NUP54: variants seen among roughly 807,000 people sequenced by gnomAD.
NUP54 encodes the protein nucleoporin 54, also known as nucleoporin p54.
Under a neutral mutation model 66.4 loss-of-function variants are expected in NUP54, and 27 were observed. The ratio of observed to expected loss-of-function variants is 0.41; its 90% CI spans 0.30 to 0.56. NUP54 has a LOEUF of 0.56. Ranked by LOEUF, NUP54 falls within the 20% of genes least tolerant of loss-of-function variation. The pLI, the probability that NUP54 is intolerant of heterozygous loss-of-function variation, is 0.34. For synonymous variants in NUP54, 206 were observed against 210.7 expected, an observed-to-expected ratio of 0.98 and a Z score of 0.19; for missense variants, 486 against 596.3, an observed-to-expected ratio of 0.82 and a Z score of 1.93.
intron 9 of NUP54, 28 bp downstream of exon 9, chr4:76,124,621 C>T: frequency 1.0e-6 from 1 of 994,088 alleles, no homozygotes; most frequent in Non-Finnish European, 1.6e-6. Flanking sequence ...GTCTTATAAA[C>T]ACTGGGGGGG....
intron 1 of NUP54, among the ~76,000 whole-genome samples, chr4:76,147,260 T>C (rs1019023497): frequency 6.6e-6 from 1 of 152,218 alleles, no homozygotes; most frequent in Non-Finnish European, 1.5e-5. Flanking sequence ...GGAAGATAAG[T>C]GCACATTTAA....
intron 9 of NUP54, among the ~76,000 whole-genome samples, chr4:76,122,136 T>C (rs1483984700): frequency 3.3e-5 from 5 of 152,258 alleles, no homozygotes; most frequent in Non-Finnish European, 7.3e-5. Flanking sequence ...ATAAGTCATG[T>C]TGATAGATGT....
In NUP54 at chr4:76,136,372, G is replaced by A; in HGVS notation, c.336C>T (p.Thr112=). 6.2e-7 allele frequency: 1 copy of A among 1,614,016 alleles called. No individual in the cohort carries two copies. Among genetic ancestry groups the A allele is most frequent in the Non-Finnish European group, 8.5e-7 (1 of 1,179,954 alleles). The part of the protein sequence containing the change: ...GLFSQPTQAP[T]QSNQLINTAS... ...CAGTATTTATCAGCTGGTTGGACTG[G>A]GTAGGAGCTTGTGTAGGCTGACTGA... The change falls in exon 4 of 12, where the codon ACC becomes ACT. Residue 112 remains threonine, a synonymous_variant. Coordinates refer to ENST00000264883, the MANE Select transcript of NUP54 (RefSeq NM_017426.4).
At chr4:76,116,130 T>A (rs1729941323) in intron 11 of NUP54, among the ~76,000 whole-genome samples, 1 of 152,168 alleles carries the variant, frequency 6.6e-6, no homozygotes. Context: ...CTCATAATTT[T>A]AAAAAAGACA....
Position 76,136,044 on chromosome 4 carries a change from T to A in NUP54, c.522+142A>T, listed in dbSNP as rs1311363497. 3 of 640,852 alleles carry A rather than the reference T, an allele frequency of 4.7e-6. No homozygotes were observed. In the Admixed American group the frequency reaches 9.2e-5, roughly 20 times the overall value. 39.7% of individuals were successfully genotyped at this position (640,852 alleles called of 1,614,324 possible). On this transcript the variant is annotated intron_variant, in intron 4 of 11. Coordinates refer to ENST00000264883, the MANE Select transcript of NUP54 (RefSeq NM_017426.4). ...GTATGAAATCACTTCAATTTTATAA[T>A]TTCTATATTTTCAAAATAAAAGTAT...
rs1729891211 is a variant in NUP54 at position 76,115,125 on chromosome 4, T to C, written c.*241A>G. ...ATAGTACATACAATTTTGGTAATTA[T>C]GCACTTCTTTTAAAGTAAATACAGC... On this transcript the variant is annotated 3_prime_UTR_variant, in exon 12 of 12. Transcript: ENST00000264883. 2.9e-6 allele frequency: 1 copy of C among 343,490 alleles called. No individual in the cohort carries two copies. The highest frequency in any genetic ancestry group is 5.2e-5 in the East Asian group (1 of 19,164). 21.3% of individuals were successfully genotyped at this position (343,490 alleles called of 1,614,324 possible). A position where few individuals can be genotyped will look rare whatever the true frequency, so the allele number is the denominator to read the frequency against.
intron 10 of NUP54, 88 bp downstream of exon 10, chr4:76,117,987 A>G (rs1730029604): frequency 1.5e-6 from 2 of 1,362,754 alleles, no homozygotes; most frequent in Non-Finnish European, 1.0e-6. Flanking sequence ...ACACAAGTAT[A>G]CAAAATTCCT....
chr4:76,131,951 T>C (rs1730821160), intron 6 of NUP54, among the ~76,000 whole-genome samples: 1 of 152,150 alleles, frequency 6.6e-6, no homozygotes, highest in African/African-American at 2.4e-5. Flanking sequence ...TTTATCTTCA[T>C]GTATTGACAT....
rs781318954 is a variant in NUP54 at position 76,118,163 on chromosome 4, C to T, written c.1196G>A (p.Ser399Asn). The T allele has an allele frequency of 2.5e-6, 4 of 1,613,672 alleles. No individual in the cohort carries two copies. In the Admixed American group the frequency reaches 5.0e-5, roughly 20 times the overall value. The change falls in exon 10 of 12, where the codon AGT (serine) becomes AAT (asparagine). Residue 399 changes from serine to asparagine, a missense_variant. This residue lies in a region of NUP54 where 217 missense variants were observed against 247.9 expected (regional missense o/e 0.88). Coordinates refer to ENST00000264883, the MANE Select transcript of NUP54 (RefSeq NM_017426.4). ...TTCATCAGCCTGAATGGCATAACCA[C>T]TCTTCCTTTGAATTTCCTGTTTGAT... ...VLIKQEIQRK[S>N]GYAIQADEEQ...
At chr4:76,136,164 A>AT (rs1481369684) in intron 4 of NUP54, 22 bp downstream of exon 4, 7 of 1,525,852 alleles carry the variant, frequency 4.6e-6, no homozygotes, top group Non-Finnish European at 6.3e-6. Context: ...TCAACTGAAG[A>AT]TAAAAATAGT....
intron 9 of NUP54, among the ~76,000 whole-genome samples, chr4:76,118,961 G>A (rs763264675): frequency 1.6e-4 from 24 of 151,882 alleles, no homozygotes; most frequent in Non-Finnish European, 2.6e-4. Context: ...AGCCTAGATC[G>A]CGCCACTGCA....
At chr4:76,117,202 G>A (rs911749611) in intron 11 of NUP54, among the ~76,000 whole-genome samples, 12 of 152,076 alleles carry the variant, frequency 7.9e-5, no homozygotes, top group African/African-American at 2.7e-4. Context: ...CTTATTTCAT[G>A]AAGCATAACT....
intron 9 of NUP54, chr4:76,118,408 CAG>C (rs1199281224): frequency 2.0e-6 from 1 of 495,160 alleles, no homozygotes; most frequent in Non-Finnish European, 3.7e-6. Flanking sequence ...TTTTTTGAGA[CAG>C]GGTCTTGCTC....
chr4:76,125,355 T>A (rs1159631904), intron 8 of NUP54, among the ~76,000 whole-genome samples: 4 of 131,794 alleles, frequency 3.0e-5, no homozygotes, highest in African/African-American at 1.1e-4. Context: ...CACACACGGC[T>A]GGGCACAGTG....
rs1220337936 is a variant in NUP54, at chr4:76,147,722, G to A, written c.67+586C>T. 5 of 1,078,698 alleles carry A rather than the reference G, an allele frequency of 4.6e-6. No homozygotes were observed. The African/African-American group carries it at 6.6e-5, about 14-fold the overall frequency. The allele number at this position is 1,078,698 out of a possible 1,614,324, so 66.8% of individuals were successfully genotyped here. On this transcript the variant is annotated intron_variant, in intron 1 of 11. Coordinates refer to ENST00000264883, the MANE Select transcript of NUP54 (RefSeq NM_017426.4). The stretch of plus-strand genomic sequence containing the variant: ...AAAGAAAGCAAGATAAGGATTAGAA[G>A]AATCAGCAGGAGGTTTCACAGAAGT...
At chr4:76,118,991 G>A (rs954168929) in intron 9 of NUP54, among the ~76,000 whole-genome samples, 1 of 152,036 alleles carries the variant, frequency 6.6e-6, no homozygotes, top group Admixed American at 6.5e-5. Flanking sequence ...GGGCAACAGA[G>A]CGAGACTCTG....
At chr4:76,144,574 A>C (rs986660033) in intron 1 of NUP54, 101 bp from the exon 2 acceptor site, 1 of 860,322 alleles carries the variant, frequency 1.2e-6, no homozygotes, top group Non-Finnish European at 1.7e-6. Flanking sequence ...TAAAATCAAA[A>C]TATATTGATC....
At chr4:76,119,520 C>T (rs1730130726) in intron 9 of NUP54, among the ~76,000 whole-genome samples, 1 of 149,946 alleles carries the variant, frequency 6.7e-6, no homozygotes, top group African/African-American at 2.5e-5. Context: ...GTGCTCACCA[C>T]CATGCCTGGC....
chr4:76,129,209 G>A (rs56235958), intron 8 of NUP54, among the ~76,000 whole-genome samples: 1 of 148,576 alleles, frequency 6.7e-6, no homozygotes, highest in Non-Finnish European at 1.5e-5. Flanking sequence ...GTTATGTATC[G>A]ATTAAAAACA....
Sources: allele counts gnomAD v4.1 joint callset (sites outside exome capture counted in the v4.1 genomes callset), GRCh38; gene constraint gnomAD v4.1.1; regional missense constraint gnomAD v4.1.1; transcripts MANE v1.5; gene names NCBI Gene and HGNC (gene_info 2026-07-23, HGNC 2026-07-21).